Variants in PDE1C observed in about 807,000 individuals in gnomAD.
PDE1C encodes the protein dual specificity calcium/calmodulin-dependent 3',5'-cyclic nucleotide phosphodiesterase 1C.
Under a neutral mutation model 93.1 loss-of-function variants are expected in PDE1C, and 62 were observed. The ratio of observed to expected loss-of-function variants is 0.67; its 90% confidence interval spans 0.54 to 0.82. PDE1C has a LOEUF of 0.82. Among genes scored for constraint, PDE1C ranks in the 40% least tolerant of loss-of-function variants. The probability of loss-of-function intolerance (pLI) is 0.00; values close to 1 mark genes in which losing one functional copy is unlikely to be tolerated. For missense variants in PDE1C, 742 were observed against 884.6 expected, an observed-to-expected ratio of 0.84 and a Z score of 2.04; for synonymous variants, 325 against 310.1, an observed-to-expected ratio of 1.05 and a Z score of -0.50.
intron 1 of PDE1C, among the ~76,000 whole-genome samples, chr7:32,412,645 C>T (rs992422376): frequency 4.6e-5 from 7 of 152,132 alleles, no homozygotes; most frequent in African/African-American, 1.7e-4. Flanking sequence ...CACTAGGCAA[C>T]AGAATTTTTC....
At chr7:32,310,426 T>C (rs976592120) in intron 1 of PDE1C, among the ~76,000 whole-genome samples, 7 of 152,288 alleles carry the variant, frequency 4.6e-5, no homozygotes, top group East Asian at 1.9e-4. Flanking sequence ...CAGAACTCTC[T>C]ACCCCAAATC....
intron 1 of PDE1C, among the ~76,000 whole-genome samples, chr7:32,389,049 T>C (rs1294689654): frequency 6.6e-6 from 1 of 151,816 alleles, no homozygotes; most frequent in Non-Finnish European, 1.5e-5. Context: ...TTATATTGAG[T>C]TGATTGCCAT....
At chr7:32,237,083 CTT>C (rs34122130) in intron 1 of PDE1C, among the ~76,000 whole-genome samples, 3,541 of 121,918 alleles carry the variant, frequency 0.029, 61 homozygotes, top group Non-Finnish European at 0.039. Context: ...ATGTAATATT[CTT>C]TTTTTTTTTT....
At chr7:32,048,631 T>C (rs1422528130) in intron 2 of PDE1C, among the ~76,000 whole-genome samples, 1 of 152,114 alleles carries the variant, frequency 6.6e-6, no homozygotes, top group African/African-American at 2.4e-5. Context: ...TGACACCAGG[T>C]GGATCAGATT....
At chr7:31,942,254 T>C (rs184693103) in intron 2 of PDE1C, among the ~76,000 whole-genome samples, 70 of 152,180 alleles carry the variant, frequency 4.6e-4, no homozygotes, top group Non-Finnish European at 7.4e-4. Flanking sequence ...AAGTACCCTG[T>C]TTTGTGTCCA....
intron 2 of PDE1C, among the ~76,000 whole-genome samples, chr7:31,890,379 T>C (rs948610294): frequency 6.6e-6 from 1 of 152,226 alleles, no homozygotes; most frequent in South Asian, 2.1e-4. Flanking sequence ...CATCTTTGAA[T>C]GGCACTAATG....
chr7:31,634,612 A>G, the PDE1C span, among the ~76,000 whole-genome samples: 10 of 152,248 alleles, frequency 6.6e-5, no homozygotes, highest in Non-Finnish European at 1.0e-4. Context: ...CTAGATTTCA[A>G]TAGCATCCAG....
At chr7:32,424,599 C>T (rs1190559943) in intron 1 of PDE1C, among the ~76,000 whole-genome samples, 5 of 152,138 alleles carry the variant, frequency 3.3e-5, no homozygotes, top group Admixed American at 2.6e-4. Flanking sequence ...GCAGACAGAT[C>T]ACTTGAGCCC....
At chr7:32,192,990 T>A (rs1296162578) in intron 2 of PDE1C, among the ~76,000 whole-genome samples, 1 of 152,180 alleles carries the variant, frequency 6.6e-6, no homozygotes, top group African/African-American at 2.4e-5. Flanking sequence ...TGATTTTGTA[T>A]GTTTATCTTA....
intron 9 of PDE1C, among the ~76,000 whole-genome samples, chr7:31,844,112 C>A (rs1792248191): frequency 6.6e-6 from 1 of 151,740 alleles, no homozygotes; most frequent in African/African-American, 2.4e-5. Flanking sequence ...TGGTCAAATG[C>A]ACAATTTAAA....
chr7:31,656,434 G>A, the PDE1C span: 1 of 792,454 alleles, frequency 1.3e-6, no homozygotes, highest in Non-Finnish European at 1.5e-6. Context: ...CCATCACGTA[G>A]TAAGTGTTCA....
At chr7:32,204,735 C>T (rs1254186480) in intron 2 of PDE1C, among the ~76,000 whole-genome samples, 3 of 152,136 alleles carry the variant, frequency 2.0e-5, no homozygotes, top group African/African-American at 7.2e-5. Context: ...CCATTCAGAC[C>T]CTCAAGCCTC....
intron 3 of PDE1C, among the ~76,000 whole-genome samples, chr7:32,138,343 A>G (rs1403790612): frequency 6.6e-6 from 1 of 152,210 alleles, no homozygotes; most frequent in African/African-American, 2.4e-5. Context: ...AATGAAATAA[A>G]TGTGAAAGGG....
chr7:31,707,184 G>A, the PDE1C span: 3 of 1,609,398 alleles, frequency 1.9e-6, no homozygotes, highest in African/African-American at 1.3e-5. Context: ...TTAATTGCAG[G>A]TCTGTGCTTT....
chr7:31,909,316 T>C (rs961561476), intron 2 of PDE1C, among the ~76,000 whole-genome samples: 2 of 152,056 alleles, frequency 1.3e-5, no homozygotes, highest in Non-Finnish European at 2.9e-5. Context: ...GACATAAATA[T>C]GTGGATTTTT....
At chr7:32,217,194 T>G (rs1206411723) in intron 1 of PDE1C, among the ~76,000 whole-genome samples, 3 of 152,204 alleles carry the variant, frequency 2.0e-5, no homozygotes, top group Admixed American at 1.3e-4. Context: ...AAATAGAATC[T>G]AGAATCAAAT....
At chr7:32,243,140 A>G (rs1331097178) in intron 1 of PDE1C, among the ~76,000 whole-genome samples, 1 of 152,082 alleles carries the variant, frequency 6.6e-6, no homozygotes, top group East Asian at 1.9e-4. Context: ...AAGGAGGGAG[A>G]GTGGGTCTTG....
intron 11 of PDE1C, among the ~76,000 whole-genome samples, chr7:31,835,730 G>A (rs1791012172): frequency 6.6e-6 from 1 of 151,730 alleles, no homozygotes; most frequent in South Asian, 2.1e-4. Flanking sequence ...TTAGACTCAG[G>A]CCATAAATCA....
chr7:31,678,970 T>C, the PDE1C span, among the ~76,000 whole-genome samples: 1 of 152,188 alleles, frequency 6.6e-6, no homozygotes, highest in Non-Finnish European at 1.5e-5. Flanking sequence ...GTGATGCGAA[T>C]GTAAGAAAAG....
Sources: allele counts gnomAD v4.1 joint callset (sites outside exome capture counted in the v4.1 genomes callset), GRCh38; gene constraint gnomAD v4.1.1; transcripts MANE v1.5; gene names NCBI Gene and HGNC (gene_info 2026-07-23, HGNC 2026-07-21).